EXTL3: variants seen among roughly 807,000 people sequenced by gnomAD.
The protein encoded by EXTL3 is exostosin like glycosyltransferase 3, also known as exostosin-like 3.
Under a neutral mutation model 69.3 loss-of-function variants are expected in EXTL3, and 27 were observed. That is an observed-to-expected ratio of 0.39 (90% CI 0.29 to 0.54). EXTL3 has a LOEUF of 0.54. Among genes scored for constraint, EXTL3 ranks in the 20% least tolerant of loss-of-function variants. The pLI is 0.69. For missense variants in EXTL3, 1,003 were observed against 1,231.8 expected, an observed-to-expected ratio of 0.81 and a Z score of 2.78; for synonymous variants, 511 against 499.4, an observed-to-expected ratio of 1.02 and a Z score of -0.31.
At chr8:28,719,996 A>G (rs1401545439) in intron 3 of EXTL3, among the ~76,000 whole-genome samples, 6 of 152,224 alleles carry the variant, frequency 3.9e-5, no homozygotes, top group Admixed American at 3.3e-4. Context: ...CAGATAGGCT[A>G]TTCTAAACAG....
chr8:28,613,391 C>T (rs1806294678), intron 2 of EXTL3, among the ~76,000 whole-genome samples: 1 of 152,082 alleles, frequency 6.6e-6, no homozygotes, highest in Non-Finnish European at 1.5e-5. Flanking sequence ...ACCATGTTGG[C>T]CAGGCTGGTC....
intron 4 of EXTL3, among the ~76,000 whole-genome samples, chr8:28,731,709 A>T (rs1801542266): frequency 6.6e-6 from 1 of 152,118 alleles, no homozygotes; most frequent in Non-Finnish European, 1.5e-5. Flanking sequence ...CTCTAAAGGA[A>T]ATAGGAGGGT....
upstream of EXTL3, among the ~76,000 whole-genome samples, chr8:28,620,617 G>A (rs560095742): frequency 1.6e-4 from 24 of 152,320 alleles, no homozygotes; most frequent in African/African-American, 3.8e-4. Flanking sequence ...TTAACATCTC[G>A]CAGTTAAACT....
At chr8:28,608,102 A>T (rs1052570922) in intron 2 of EXTL3, among the ~76,000 whole-genome samples, 89 of 149,420 alleles carry the variant, frequency 6.0e-4, no homozygotes, top group Admixed American at 3.3e-4. Context: ...AGAGCGAGAC[A>T]CCATCTCAAA....
At chr8:28,622,116 A>G (rs2130543303), upstream of EXTL3, among the ~76,000 whole-genome samples, 1 of 152,322 alleles carries the variant, frequency 6.6e-6, no homozygotes, top group Admixed American at 6.5e-5. Flanking sequence ...CCAGAAATAA[A>G]AACGACGCGT....
At chr8:28,667,338 C>T (rs1807212692) in intron 1 of EXTL3, among the ~76,000 whole-genome samples, 1 of 152,084 alleles carries the variant, frequency 6.6e-6, no homozygotes, top group Non-Finnish European at 1.5e-5. Context: ...ATTCAGCAGG[C>T]CAAGGATGAG....
chr8:28,696,435 T>C (rs961488353), intron 1 of EXTL3: 3 of 152,224 alleles, frequency 2.0e-5, no homozygotes, highest in East Asian at 3.8e-4. Context: ...AATCATATAC[T>C]GTACACATTG....
intron 1 of EXTL3, among the ~76,000 whole-genome samples, chr8:28,708,918 T>A (rs565091338): frequency 3.3e-5 from 5 of 152,336 alleles, no homozygotes; most frequent in African/African-American, 1.2e-4. Flanking sequence ...ACTTTGAATA[T>A]AGTGTTGGTT....
At chr8:28,744,807 T>TAC (rs1457003983) in intron 6 of EXTL3, among the ~76,000 whole-genome samples, 1 of 109,858 alleles carries the variant, frequency 9.1e-6, no homozygotes, top group African/African-American at 3.6e-5. Flanking sequence ...AAAAAAAAAA[T>TAC]ACACACACAC....
At chr8:28,733,366 T>A (rs1801579015) in intron 4 of EXTL3, among the ~76,000 whole-genome samples, 1 of 151,950 alleles carries the variant, frequency 6.6e-6, no homozygotes. Context: ...ATAACTAATT[T>A]TATATATAAA....
chr8:28,720,878 A>G (rs1330783529), intron 3 of EXTL3, among the ~76,000 whole-genome samples: 1 of 152,226 alleles, frequency 6.6e-6, no homozygotes, highest in Non-Finnish European at 1.5e-5. Context: ...AAAGCCAACT[A>G]GAGAGTATTA....
upstream of EXTL3, chr8:28,697,836 GAAAA>G (rs74273851): frequency 8.8e-6 from 1 of 113,620 alleles, no homozygotes; most frequent in Non-Finnish European, 2.0e-5. Context: ...CAAAAAAAAA[GAAAA>G]AAAAAAAAAA....
At chr8:28,691,667 G>C (rs550603982) in intron 1 of EXTL3, among the ~76,000 whole-genome samples, 1 of 151,310 alleles carries the variant, frequency 6.6e-6, no homozygotes, top group Non-Finnish European at 1.5e-5. Context: ...GGAGGCTGAG[G>C]TGGGTGGATC....
At chr8:28,639,062 C>G (rs1162613382) in intron 1 of EXTL3, among the ~76,000 whole-genome samples, 3 of 151,840 alleles carry the variant, frequency 2.0e-5, no homozygotes, top group Non-Finnish European at 4.4e-5. Flanking sequence ...CTCAGCCTCC[C>G]AAGTAGCAGG....
At chr8:28,715,002 G>A (rs1801109815) in intron 2 of EXTL3, among the ~76,000 whole-genome samples, 1 of 152,318 alleles carries the variant, frequency 6.6e-6, no homozygotes, top group South Asian at 2.1e-4. Flanking sequence ...GTCTGCTAAT[G>A]GAAGATAAAT....
intron 3 of EXTL3, among the ~76,000 whole-genome samples, chr8:28,720,574 T>G (rs1801273452): frequency 6.6e-6 from 1 of 152,206 alleles, no homozygotes; most frequent in Non-Finnish European, 1.5e-5. Context: ...TAAAAAGATC[T>G]AGCTTAGAGT....
chr8:28,673,932 G>A (rs989566517), intron 1 of EXTL3, among the ~76,000 whole-genome samples: 11 of 152,150 alleles, frequency 7.2e-5, no homozygotes, highest in African/African-American at 2.7e-4. Flanking sequence ...AGGCACTAAT[G>A]ACTGTATTTC....
At chr8:28,733,686 C>T (rs1011569504) in intron 4 of EXTL3, among the ~76,000 whole-genome samples, 1 of 148,944 alleles carries the variant, frequency 6.7e-6, no homozygotes, top group African/African-American at 2.5e-5. Flanking sequence ...CCCGGCCATA[C>T]AGTTGTGATT....
chr8:28,676,784 T>C (rs781461647), intron 1 of EXTL3, among the ~76,000 whole-genome samples: 23 of 152,040 alleles, frequency 1.5e-4, no homozygotes, highest in Non-Finnish European at 3.1e-4. Context: ...AGACAGGAAG[T>C]AGAGGCAGTG....
Sources: allele counts gnomAD v4.1 joint callset (sites outside exome capture counted in the v4.1 genomes callset), GRCh38; gene constraint gnomAD v4.1.1; transcripts MANE v1.5; gene names NCBI Gene and HGNC (gene_info 2026-07-23, HGNC 2026-07-21).